The following PCDH11X variants were observed in gnomAD, a reference collection of about 807,000 sequenced individuals.
PCDH11X encodes protocadherin 11 X-linked.
PCDH11X carries 18 observed loss-of-function variants against 53.3 expected under a neutral mutation model. The ratio of observed to expected loss-of-function variants is 0.34; its 90% confidence interval spans 0.23 to 0.50. PCDH11X has a LOEUF of 0.50. Ranked by LOEUF, PCDH11X falls within the 20% of genes least tolerant of loss-of-function variation. The pLI, the probability that PCDH11X is intolerant of heterozygous loss-of-function variation, is 0.98. For missense variants in PCDH11X, 570 were observed against 1,032.4 expected (o/e 0.55, Z 6.14); for synonymous variants, 279 against 393.3 (o/e 0.71, Z 3.44).
intron 6 of PCDH11X, among the ~76,000 whole-genome samples, chrX:91,942,154 G>A (rs2061518818): frequency 1.8e-5 from 2 of 109,479 alleles, no homozygotes; most frequent in South Asian, 7.8e-4. Context: ...TTAAGCAACT[G>A]GAAGAAGAAG....
In PCDH11X at chrX:92,610,775, G is replaced by A. The variant is rs1441523418; in HGVS notation, c.3368-7489G>A. Among the ~76,000 whole-genome samples, 5 of 110,695 alleles carry A rather than the reference G, an allele frequency of 4.5e-5. No individual in the cohort carries two copies. The East Asian group carries it at 8.5e-4, about 19-fold the overall frequency. On this transcript the variant is annotated intron_variant, in intron 10 of 10. Coordinates refer to ENST00000682573, the MANE Select transcript of PCDH11X (RefSeq NM_032968.5). ...TCATCTTAGGTTAATTTTTGTATAT[G>A]GTGATAGGTAGGGGTCCAGTTTCAT...
intron 8 of PCDH11X, among the ~76,000 whole-genome samples, chrX:92,306,343 C>G (rs2148475836): frequency 9.5e-6 from 1 of 104,864 alleles, no homozygotes; most frequent in East Asian, 3.0e-4. Flanking sequence ...AAAGAACAAA[C>G]TAAACCCAAA....
At chrX:92,269,236 G>A (rs1162053756) in intron 8 of PCDH11X, among the ~76,000 whole-genome samples, 1 of 111,282 alleles carries the variant, frequency 9.0e-6, no homozygotes, top group Non-Finnish European at 1.9e-5. Context: ...GTTATCCTTG[G>A]TTTCTCTGTT....
intron 7 of PCDH11X, among the ~76,000 whole-genome samples, chrX:92,206,178 A>C (rs1453903024): frequency 8.9e-6 from 1 of 111,915 alleles, no homozygotes; most frequent in East Asian, 2.8e-4. Context: ...ATATGGTATT[A>C]TTACAGGCAA....
At chrX:91,983,601 C>T (rs747179294) in intron 6 of PCDH11X, 1 of 397,668 alleles carries the variant, frequency 2.5e-6, no homozygotes, top group East Asian at 4.6e-5. Flanking sequence ...CTGCGGGGCC[C>T]AACTCCCGTT....
chrX:92,519,451 C>T (rs1250051622), intron 10 of PCDH11X, among the ~76,000 whole-genome samples: 4 of 105,805 alleles, frequency 3.8e-5, no homozygotes, highest in South Asian at 4.4e-4. Context: ...ATTCTGGCAA[C>T]GTACTTAAGT....
intron 6 of PCDH11X, among the ~76,000 whole-genome samples, chrX:91,972,416 G>A (rs1312014485): frequency 1.0e-5 from 1 of 95,483 alleles, no homozygotes; most frequent in Non-Finnish European, 2.1e-5. Flanking sequence ...CACTCTGATG[G>A]TAGTTTCTTT....
chrX:92,482,212 G>T (rs1283956513), intron 10 of PCDH11X, among the ~76,000 whole-genome samples: 3 of 111,457 alleles, frequency 2.7e-5, no homozygotes, highest in African/African-American at 9.8e-5. Flanking sequence ...ATTTAGCACT[G>T]CCCCTTAGAC....
chrX:92,221,571 T>C (rs2066881024), intron 7 of PCDH11X, among the ~76,000 whole-genome samples: 1 of 111,798 alleles, frequency 8.9e-6, no homozygotes, highest in African/African-American at 3.2e-5. Flanking sequence ...GCATGTTATA[T>C]GCTGAAAATA....
At chrX:92,372,076 T>C (rs1272600340) in intron 8 of PCDH11X, among the ~76,000 whole-genome samples, 1 of 110,922 alleles carries the variant, frequency 9.0e-6, no homozygotes, top group African/African-American at 3.3e-5. Flanking sequence ...TCAATGCTAA[T>C]TGAAAAAGAA....
intron 7 of PCDH11X, among the ~76,000 whole-genome samples, chrX:92,248,464 G>A (rs2148394491): frequency 9.0e-6 from 1 of 110,645 alleles, no homozygotes; most frequent in East Asian, 2.8e-4. Flanking sequence ...CAAATAATAA[G>A]CATACATACT....
In PCDH11X at chrX:92,594,798, A is replaced by C. The variant is rs184111598; in HGVS notation, c.3368-23466A>C. Among the ~76,000 whole-genome samples, 364 of 107,829 alleles carry C rather than the reference A, an allele frequency of 3.4e-3. 5 individuals carry two copies. Among genetic ancestry groups the C allele is most frequent in the African/African-American group, 0.011 (341 of 29,659 alleles). 93.6% of individuals were successfully genotyped at this position (107,829 alleles called of 115,157 possible). A position where few individuals can be genotyped will look rare whatever the true frequency, so the allele number is the denominator to read the frequency against. ...TTAATTACATAGACTGAATTAATGA[A>C]AAACCAAAATAATCTTCCTACGAAT... On this transcript the variant is annotated intron_variant, in intron 10 of 10. Coordinates refer to ENST00000682573, the MANE Select transcript of PCDH11X (RefSeq NM_032968.5).
At chrX:92,024,749 CA>C (rs1445606888) in intron 6 of PCDH11X, among the ~76,000 whole-genome samples, 7 of 75,225 alleles carry the variant, frequency 9.3e-5, no homozygotes, top group Non-Finnish European at 2.0e-4. Context: ...AAAACAAAAA[CA>C]AAGCTGGAGG....
intron 6 of PCDH11X, among the ~76,000 whole-genome samples, chrX:92,004,573 A>T (rs1474708018): frequency 9.1e-6 from 1 of 109,881 alleles, no homozygotes; most frequent in African/African-American, 3.3e-5. Context: ...TCCAGTGTAC[A>T]TATATATTTA....
At chrX:92,145,403 T>C (rs749121656) in intron 6 of PCDH11X, among the ~76,000 whole-genome samples, 395 of 110,880 alleles carry the variant, frequency 3.6e-3, no homozygotes, top group African/African-American at 0.012. Flanking sequence ...AATCACCTGA[T>C]AGTTCATGTA....
chrX:92,001,604 G>C (rs1390121456), intron 6 of PCDH11X, among the ~76,000 whole-genome samples: 5 of 108,001 alleles, frequency 4.6e-5, no homozygotes, highest in Middle Eastern at 4.8e-3. Context: ...GACTAGCTGG[G>C]ATTACAGGCA....
chrX:91,857,357 C>G, intron 5 of PCDH11X, among the ~76,000 whole-genome samples: 1 of 111,474 alleles, frequency 9.0e-6, no homozygotes, highest in Non-Finnish European at 1.9e-5. Flanking sequence ...GGTGGGGACA[C>G]AGCGAAACCA....
intron 10 of PCDH11X, among the ~76,000 whole-genome samples, chrX:92,526,111 G>A (rs1406349674): frequency 1.8e-5 from 2 of 111,465 alleles, no homozygotes; most frequent in Non-Finnish European, 3.8e-5. Context: ...CACGGGAGAT[G>A]TATGTCCTTG....
intron 6 of PCDH11X, among the ~76,000 whole-genome samples, chrX:91,998,418 C>T (rs1346791124): frequency 3.7e-5 from 4 of 109,288 alleles, no homozygotes; most frequent in Non-Finnish European, 7.6e-5. Flanking sequence ...TTATTTGAGT[C>T]TTCTCTTGTT....
Sources: gnomAD v4.1 joint callset for allele counts (sites outside exome capture counted in the v4.1 genomes callset) on GRCh38, gnomAD v4.1.1 for gene constraint, MANE v1.5 for transcripts, NCBI Gene and HGNC (gene_info 2026-07-23, HGNC 2026-07-21) for gene names.